Variants in ESRRG observed in about 807,000 individuals in gnomAD.
ESRRG encodes the protein estrogen-related receptor gamma.
In ESRRG, 13 loss-of-function variants were observed where a neutral mutation model predicts 44.0. The ratio of observed to expected loss-of-function variants is 0.30; its 90% CI spans 0.19 to 0.47. ESRRG has a LOEUF of 0.47. Ranked by LOEUF, ESRRG falls within the 20% of genes least tolerant of loss-of-function variation. ESRRG has a pLI of 1.00. For missense variants in ESRRG, 395 were observed against 580.6 expected (o/e 0.68, Z 3.29); for synonymous variants, 215 against 214.6 (o/e 1.00, Z -0.02).
chr1:216,593,789 G>T (rs1010395130), intron 3 of ESRRG, among the ~76,000 whole-genome samples: 1 of 152,186 alleles, frequency 6.6e-6, no homozygotes, highest in Non-Finnish European at 1.5e-5. Context: ...ACCCAGGATG[G>T]AGTGCAGTGA....
intron 2 of ESRRG, among the ~76,000 whole-genome samples, chr1:216,814,204 C>T (rs950317313): frequency 1.3e-5 from 2 of 152,134 alleles, no homozygotes; most frequent in African/African-American, 4.8e-5. Context: ...TGGGCCATAT[C>T]TAGTAATCAA....
intron 1 of ESRRG, among the ~76,000 whole-genome samples, chr1:217,061,050 A>G (rs2088349809): frequency 3.3e-5 from 5 of 151,918 alleles, no homozygotes; most frequent in Admixed American, 2.6e-4. Context: ...AAGGGATCTT[A>G]TGGATTTGTG....
At chr1:216,549,830 A>T (rs1222530601) in intron 5 of ESRRG, among the ~76,000 whole-genome samples, 1 of 152,166 alleles carries the variant, frequency 6.6e-6, no homozygotes. Context: ...AATCACCTGA[A>T]GAGTTCTTGA....
rs1382686115 is a variant in ESRRG, at chr1:217,064,105, T to C, written c.-106+25402A>G. Among the ~76,000 whole-genome samples the C allele has an allele frequency of 2.6e-5, 4 of 152,076 alleles. No homozygotes were observed. The East Asian group carries it at 5.8e-4, about 22-fold the overall frequency. ...ATACACAAAGCACAAGGGTTTAGTA[T>C]ATGTGTGTGTTTTTCATTAATCTTC... On this transcript the variant is annotated intron_variant, in intron 1 of 7. Transcript: ENST00000359162.
intron 5 of ESRRG, among the ~76,000 whole-genome samples, chr1:216,551,310 C>T (rs1442228360): frequency 3.3e-5 from 5 of 152,056 alleles, no homozygotes; most frequent in Non-Finnish European, 2.9e-5. Flanking sequence ...ATATATTGCA[C>T]ATGGTATTTT....
chr1:216,885,394 G>A (rs2096500529), intron 2 of ESRRG, among the ~76,000 whole-genome samples: 1 of 152,102 alleles, frequency 6.6e-6, no homozygotes, highest in Admixed American at 6.6e-5. Flanking sequence ...TTCTAAAGAT[G>A]TCTGGGGAGA....
chr1:216,875,699 C>T (rs920965799), intron 2 of ESRRG, among the ~76,000 whole-genome samples: 3 of 151,834 alleles, frequency 2.0e-5, no homozygotes, highest in Non-Finnish European at 4.4e-5. Flanking sequence ...TTTGTTCCAG[C>T]GTTTTATTGT....
At chr1:216,723,100 A>G in intron 1 of ESRRG, 144 bp downstream of exon 1, 1 of 667,062 alleles carries the variant, frequency 1.5e-6, no homozygotes, top group Non-Finnish European at 2.6e-6. Flanking sequence ...TCAACACAAA[A>G]GACACAAGAC....
intron 2 of ESRRG, among the ~76,000 whole-genome samples, chr1:216,899,194 C>T (rs1385569349): frequency 2.0e-5 from 3 of 152,156 alleles, no homozygotes; most frequent in Non-Finnish European, 4.4e-5. Flanking sequence ...GGGCTAAGTA[C>T]TAAAGACACC....
intron 1 of ESRRG, among the ~76,000 whole-genome samples, chr1:217,081,415 T>C (rs2091764589): frequency 6.6e-6 from 1 of 151,630 alleles, no homozygotes; most frequent in Non-Finnish European, 1.5e-5. Flanking sequence ...TTAGTAGAGA[T>C]GGGGTTTCTC....
At chr1:216,834,578 A>T (rs1055150503) in intron 2 of ESRRG, among the ~76,000 whole-genome samples, 1 of 151,016 alleles carries the variant, frequency 6.6e-6, no homozygotes, top group Admixed American at 6.6e-5. Context: ...CACAGTCAGG[A>T]GGTGATAACC....
chr1:216,944,676 C>A (rs926532160), intron 1 of ESRRG, among the ~76,000 whole-genome samples: 5 of 152,150 alleles, frequency 3.3e-5, no homozygotes, highest in African/African-American at 7.2e-5. Flanking sequence ...AAGTGACTTA[C>A]AAAGTCATGA....
intron 3 of ESRRG, among the ~76,000 whole-genome samples, chr1:216,624,438 C>G (rs1429611097): frequency 6.6e-6 from 1 of 152,110 alleles, no homozygotes; most frequent in Non-Finnish European, 1.5e-5. Flanking sequence ...ACCCTCAGGT[C>G]CAAGTGCTAA....
intron 1 of ESRRG, among the ~76,000 whole-genome samples, chr1:216,993,241 C>G (rs993397294): frequency 1.4e-4 from 22 of 152,174 alleles, no homozygotes; most frequent in African/African-American, 4.6e-4. Context: ...GTCTCATACT[C>G]TTCCTGGTAC....
chr1:217,063,827 T>C (rs1192293121), intron 1 of ESRRG, among the ~76,000 whole-genome samples: 2 of 152,130 alleles, frequency 1.3e-5, no homozygotes, highest in African/African-American at 4.8e-5. Context: ...AAAATCTGCG[T>C]TTTAATGAGT....
intron 1 of ESRRG, 26 bp downstream of exon 1, chr1:216,723,218 A>G (rs780995832): frequency 1.3e-6 from 2 of 1,594,224 alleles, no homozygotes; most frequent in South Asian, 1.1e-5. Flanking sequence ...CGACGAGTTT[A>G]AAAAGGAAAG....
intron 3 of ESRRG, among the ~76,000 whole-genome samples, chr1:216,604,268 G>C (rs1023624793): frequency 6.6e-6 from 1 of 152,126 alleles, no homozygotes; most frequent in Non-Finnish European, 1.5e-5. Flanking sequence ...GGAAGTGTTC[G>C]GCACATCAGA....
chr1:217,089,800 G>C (rs925855517), upstream of ESRRG, among the ~76,000 whole-genome samples: 1 of 152,094 alleles, frequency 6.6e-6, no homozygotes, highest in Non-Finnish European at 1.5e-5. Context: ...GCCGGGCTGC[G>C]AGGGGCAGAG....
chr1:216,777,010 C>A (rs1422189183), intron 2 of ESRRG, among the ~76,000 whole-genome samples: 1 of 152,094 alleles, frequency 6.6e-6, no homozygotes, highest in Admixed American at 6.6e-5. Flanking sequence ...CTTCTCTTAA[C>A]CTTTTGAAGT....
Sources: gnomAD v4.1 joint callset for allele counts (sites outside exome capture counted in the v4.1 genomes callset) on GRCh38, gnomAD v4.1.1 for gene constraint, MANE v1.5 for transcripts, NCBI Gene and HGNC (gene_info 2026-07-23, HGNC 2026-07-21) for gene names.